The following ACTR3 variants were observed in gnomAD, a reference collection of about 807,000 sequenced individuals.
ACTR3 encodes actin-related protein 3.
In ACTR3, 12 loss-of-function variants were observed where a neutral mutation model predicts 56.8. The ratio of observed to expected loss-of-function variants is 0.21; its 90% confidence interval spans 0.14 to 0.34. The LOEUF (loss-of-function observed/expected upper bound fraction) is 0.34, where lower values mean the gene tolerates loss of function less well. ACTR3 is among the 10% of genes least tolerant of loss of function. ACTR3 has a pLI of 1.00. For missense variants in ACTR3, 282 were observed against 512.5 expected, an observed-to-expected ratio of 0.55 and a Z score of 4.34; for synonymous variants, 162 against 167.4, an observed-to-expected ratio of 0.97 and a Z score of 0.25.
chr2:113,919,204 A>T (rs1679462758), intron 3 of ACTR3, among the ~76,000 whole-genome samples: 1 of 152,222 alleles, frequency 6.6e-6, no homozygotes, highest in South Asian at 2.1e-4. Context: ...TTAATTTAGT[A>T]TGCAGTTTCT....
chr2:113,934,898 A>T (rs1489275432), intron 6 of ACTR3, among the ~76,000 whole-genome samples: 1 of 152,230 alleles, frequency 6.6e-6, no homozygotes, highest in African/African-American at 2.4e-5. Context: ...TTTTAAAAAA[A>T]TTATGCCTAA....
In ACTR3 at chr2:113,939,967, G is replaced by A. The variant is rs1481152832; in HGVS notation, c.549G>A (p.Gly183=). ...GVTHVIPVAE[G]YVIGSCIKHI... ...TTTTTTCCCCTCTCTAGGCTGAAGG[G>A]TATGTGATTGGCAGCTGTATTAAAC... Residue 183 remains glycine (G), a synonymous_variant, in exon 7 of 12, where the codon GGG becomes GGA. Coordinates refer to ENST00000263238, the MANE Select transcript of ACTR3 (RefSeq NM_005721.5). The A allele has an allele frequency of 6.2e-7, 1 of 1,604,316 alleles. No homozygotes were observed. The highest frequency in any genetic ancestry group is 1.7e-5 in the Admixed American group (1 of 59,542).
chr2:113,934,544 T>TTTA (rs1679789338), intron 6 of ACTR3, 158 bp downstream of exon 6: 1 of 452,208 alleles, frequency 2.2e-6, no homozygotes, highest in South Asian at 5.1e-5. Flanking sequence ...GTTTAAAACT[T>TTTA]TTATAAACAA....
intron 2 of ACTR3, among the ~76,000 whole-genome samples, chr2:113,915,235 G>A (rs560839278): frequency 5.9e-5 from 9 of 152,304 alleles, no homozygotes; most frequent in Admixed American, 3.9e-4. Context: ...AAATCAATGC[G>A]TCAGCAGGGT....
intron 4 of ACTR3, among the ~76,000 whole-genome samples, chr2:113,929,961 G>A (rs1334347799): frequency 2.0e-5 from 3 of 152,172 alleles, no homozygotes; most frequent in Non-Finnish European, 4.4e-5. Context: ...TTATAGATGT[G>A]AGCCACTGCG....
intron 6 of ACTR3, among the ~76,000 whole-genome samples, chr2:113,938,797 T>TC (rs547077101): frequency 6.6e-6 from 1 of 152,262 alleles, no homozygotes; most frequent in Admixed American, 6.5e-5. Flanking sequence ...CTCCTCCCCC[T>TC]CCAATAATTT....
At chr2:113,955,413 A>G in intron 10 of ACTR3, 1 of 415,080 alleles carries the variant, frequency 2.4e-6, no homozygotes, top group Non-Finnish European at 4.3e-6. Flanking sequence ...TTTCCCTTCC[A>G]TTTATTCTGC....
At chr2:113,904,452 T>G (rs1482588993) in intron 1 of ACTR3, 1 of 152,204 alleles carries the variant, frequency 6.6e-6, no homozygotes, top group East Asian at 1.9e-4. Context: ...CTATGTGAAG[T>G]AATTTTGGTT....
intron 8 of ACTR3, among the ~76,000 whole-genome samples, chr2:113,944,178 C>G (rs777374644): frequency 1.3e-5 from 2 of 152,022 alleles, no homozygotes; most frequent in Non-Finnish European, 2.9e-5. Context: ...TGGAGTGATA[C>G]GTTAGAGCAG....
chr2:113,936,898 T>G (rs1413707236), intron 6 of ACTR3, among the ~76,000 whole-genome samples: 1 of 152,166 alleles, frequency 6.6e-6, no homozygotes, highest in Non-Finnish European at 1.5e-5. Context: ...TCCCCATACA[T>G]GTCTGTGTCT....
At chr2:113,893,605 T>C (rs767157972) in intron 1 of ACTR3, among the ~76,000 whole-genome samples, 1 of 152,306 alleles carries the variant, frequency 6.6e-6, no homozygotes, top group Non-Finnish European at 1.5e-5. Flanking sequence ...AAGGTTTTTT[T>C]TAAATGCATG....
intron 1 of ACTR3, among the ~76,000 whole-genome samples, chr2:113,891,501 A>G (rs1392380589): frequency 6.6e-6 from 1 of 151,794 alleles, no homozygotes; most frequent in African/African-American, 2.4e-5. Context: ...CTGCTTCAGG[A>G]TGACATATAG....
intron 3 of ACTR3, 64 bp downstream of exon 3, chr2:113,917,072 T>C: frequency 7.0e-7 from 1 of 1,423,728 alleles, no homozygotes; most frequent in South Asian, 1.4e-5. Flanking sequence ...GCTTGTGCCC[T>C]CTGGAATTCA....
intron 1 of ACTR3, among the ~76,000 whole-genome samples, chr2:113,910,023 G>C (rs1034555487): frequency 2.0e-5 from 3 of 151,888 alleles, no homozygotes; most frequent in Non-Finnish European, 2.9e-5. Context: ...ATAATTCTTA[G>C]AAACTCCAAA....
chr2:113,905,109 C>T (rs1679169518), intron 1 of ACTR3: 1 of 152,106 alleles, frequency 6.6e-6, no homozygotes, highest in African/African-American at 2.4e-5. Flanking sequence ...AGAAAGTCTC[C>T]TGCACTCCAG....
chr2:113,911,419 CTT>C (rs34495665), intron 1 of ACTR3, among the ~76,000 whole-genome samples: 28 of 117,780 alleles, frequency 2.4e-4, no homozygotes, highest in Admixed American at 9.0e-5. Flanking sequence ...ATTTGGCACA[CTT>C]TTTTTTTTTT....
chr2:113,895,056 G>A (rs1039752924), intron 1 of ACTR3, among the ~76,000 whole-genome samples: 31 of 117,552 alleles, frequency 2.6e-4, no homozygotes, highest in African/African-American at 1.4e-3. Context: ...ACTTGGTTTA[G>A]GTTCCCCCCC....
At chr2:113,953,036 A>C (rs939767314) in intron 10 of ACTR3, 2 of 152,182 alleles carry the variant, frequency 1.3e-5, no homozygotes, top group African/African-American at 4.8e-5. Context: ...TTTTTTTGTT[A>C]GAATACTTAA....
chr2:113,957,632 C>A lies in ACTR3; in HGVS notation c.*177C>A. ...ATCACCATGCAGATGTAGAAGAGAG[C>A]GAAAGTGATTGTGTTTTTCTTTAGA... On this transcript the variant is annotated 3_prime_UTR_variant, in exon 12 of 12. Transcript: ENST00000263238. 2.1e-6 allele frequency: 1 copy of A among 467,084 alleles called. No individual in the cohort carries two copies. The highest frequency in any genetic ancestry group is 3.8e-6 in the Non-Finnish European group (1 of 260,140). The allele number at this position is 467,084 out of a possible 1,614,324, so 28.9% of individuals were successfully genotyped here.
Sources: gnomAD v4.1 joint callset for allele counts (sites outside exome capture counted in the v4.1 genomes callset) on GRCh38, gnomAD v4.1.1 for gene constraint, MANE v1.5 for transcripts, NCBI Gene and HGNC (gene_info 2026-07-23, HGNC 2026-07-21) for gene names.